SLC9C1: variants seen among roughly 807,000 people sequenced by gnomAD.
SLC9C1 encodes sodium/hydrogen exchanger 10.
Under a neutral mutation model 140.9 loss-of-function variants are expected in SLC9C1, and 97 were observed. The ratio of observed to expected loss-of-function variants is 0.69; its 90% confidence interval spans 0.58 to 0.82. The LOEUF (loss-of-function observed/expected upper bound fraction) is 0.82, where lower values mean the gene tolerates loss of function less well. Among genes scored for constraint, SLC9C1 ranks in the 40% least tolerant of loss-of-function variants. The probability of loss-of-function intolerance (pLI) is 0.00; values close to 1 mark genes in which losing one functional copy is unlikely to be tolerated. For missense variants in SLC9C1, 1,340 were observed against 1,389.3 expected, an observed-to-expected ratio of 0.96 and a Z score of 0.56; for synonymous variants, 440 against 442.6, an observed-to-expected ratio of 0.99 and a Z score of 0.07.
intron 22 of SLC9C1, 60 bp downstream of exon 22, chr3:112,180,504 C>T: frequency 1.4e-6 from 2 of 1,403,752 alleles, no homozygotes; most frequent in Middle Eastern, 1.8e-4. Context: ...GCTTGGGCAA[C>T]AAGAGAGAAA....
chr3:112,166,749 G>A (rs992340900), intron 26 of SLC9C1, among the ~76,000 whole-genome samples: 1 of 151,558 alleles, frequency 6.6e-6, no homozygotes, highest in African/African-American at 2.4e-5. Flanking sequence ...TATCTCAAAA[G>A]TATTTTTCAA....
intron 10 of SLC9C1, 126 bp from the exon 11 acceptor site, chr3:112,244,202 G>GCTCATTGTACTGTGTTAATAGATTC: frequency 2.2e-6 from 1 of 455,778 alleles, no homozygotes; most frequent in Admixed American, 4.3e-5. Flanking sequence ...GTTAATAGAT[G>GCTCATTGTACTGTGTTAATAGATTC]CTCATGGCAG....
At chr3:112,255,760 CAAAA>C (rs1223639372) in intron 10 of SLC9C1, among the ~76,000 whole-genome samples, 1 of 151,896 alleles carries the variant, frequency 6.6e-6, no homozygotes, top group African/African-American at 2.4e-5. Context: ...AAAACACACA[CAAAA>C]AATCATTCAA....
chr3:112,263,192 C>A, intron 9 of SLC9C1, 94 bp from the exon 10 acceptor site: 1 of 1,062,520 alleles, frequency 9.4e-7, no homozygotes, highest in South Asian at 2.3e-5. Context: ...CTGTAGAATT[C>A]CTAACTCTCA....
At position 112,180,545 on chromosome 3, in the gene SLC9C1, A is replaced by C; in HGVS notation, c.2748+19T>G. 6.3e-7 allele frequency: 1 copy of C among 1,579,412 alleles called. No individual in the cohort carries two copies. Among genetic ancestry groups the C allele is most frequent in the Non-Finnish European group, 8.6e-7 (1 of 1,167,264 alleles). On this transcript the variant is annotated intron_variant, in intron 22 of 28. Transcript: ENST00000305815. ...TCTCAAAACAAAAAAACAAAACAAA[A>C]CAAAAACCTCTGCCTTACCTTTACC...
chr3:112,200,386 A>G (rs962788296), intron 19 of SLC9C1, among the ~76,000 whole-genome samples: 2 of 152,112 alleles, frequency 1.3e-5, no homozygotes, highest in African/African-American at 2.4e-5. Context: ...TGTGTCACTC[A>G]GGAAGGTACA....
intron 28 of SLC9C1, among the ~76,000 whole-genome samples, chr3:112,142,111 A>G (rs760666835): frequency 2.1e-4 from 32 of 152,190 alleles, no homozygotes; most frequent in Admixed American, 9.8e-4. Flanking sequence ...TCACTAATTC[A>G]AAGTGTGTGA....
chr3:112,214,113 G>C (rs1216508012), intron 15 of SLC9C1, among the ~76,000 whole-genome samples: 1 of 152,176 alleles, frequency 6.6e-6, no homozygotes, highest in Non-Finnish European at 1.5e-5. Flanking sequence ...TGACTACTGG[G>C]TACATGACAA....
intron 11 of SLC9C1, among the ~76,000 whole-genome samples, chr3:112,242,002 A>G (rs1034341093): frequency 9.9e-5 from 15 of 152,212 alleles, no homozygotes; most frequent in African/African-American, 3.4e-4. Flanking sequence ...GTCCTAGAAG[A>G]AAACCCAGGA....
At chr3:112,221,333 G>A (rs978637798) in intron 13 of SLC9C1, 108 bp from the exon 14 acceptor site, 2 of 892,518 alleles carry the variant, frequency 2.2e-6, no homozygotes, top group African/African-American at 3.4e-5. Context: ...AATCAATCTA[G>A]TCTGTTTGTA....
chr3:112,265,136 A>G (rs999680821), intron 8 of SLC9C1, among the ~76,000 whole-genome samples: 1 of 152,058 alleles, frequency 6.6e-6, no homozygotes, highest in African/African-American at 2.4e-5. Context: ...AGGAGATAGA[A>G]TGATTTAGAA....
At chr3:112,278,921 A>G in intron 3 of SLC9C1, 64 bp from the exon 4 acceptor site, 3 of 1,499,306 alleles carry the variant, frequency 2.0e-6, no homozygotes, top group Non-Finnish European at 2.7e-6. Flanking sequence ...AATACATGCT[A>G]GGTGCTCCTA....
chr3:112,165,177 G>GT (rs1166029270), intron 26 of SLC9C1, among the ~76,000 whole-genome samples: 2 of 148,782 alleles, frequency 1.3e-5, no homozygotes, highest in Admixed American at 1.3e-4. Flanking sequence ...ATTCGTCTAA[G>GT]TTTTTTTCAA....
chr3:112,176,340 A>C (rs1437354403), intron 23 of SLC9C1, among the ~76,000 whole-genome samples: 1 of 152,164 alleles, frequency 6.6e-6, no homozygotes, highest in African/African-American at 2.4e-5. Context: ...GATTAGTCCC[A>C]ATGTGTGTAC....
At chr3:112,158,510 G>C (rs1268969304) in intron 26 of SLC9C1, among the ~76,000 whole-genome samples, 1 of 151,894 alleles carries the variant, frequency 6.6e-6, no homozygotes, top group Non-Finnish European at 1.5e-5. Context: ...TCTGCTTTTG[G>C]TATCAGGATG....
chr3:112,234,033 C>G (rs887155459), intron 12 of SLC9C1, among the ~76,000 whole-genome samples: 1 of 152,156 alleles, frequency 6.6e-6, no homozygotes, highest in African/African-American at 2.4e-5. Context: ...ATTTCTAGTT[C>G]TAGATCCCTG....
chr3:112,200,129 T>A (rs2077870488), intron 19 of SLC9C1, among the ~76,000 whole-genome samples: 1 of 152,048 alleles, frequency 6.6e-6, no homozygotes, highest in African/African-American at 2.4e-5. Flanking sequence ...GTATAAAATT[T>A]TCTTCTCCTC....
chr3:112,278,550 G>T (rs1008339335), intron 4 of SLC9C1, among the ~76,000 whole-genome samples, 179 bp downstream of exon 4: 1 of 152,056 alleles, frequency 6.6e-6, no homozygotes, highest in African/African-American at 2.4e-5. Context: ...CTGGGTCTTT[G>T]ATATGCTAGG....
At chr3:112,274,790 T>A in intron 6 of SLC9C1, 107 bp downstream of exon 6, 1 of 1,107,338 alleles carries the variant, frequency 9.0e-7, no homozygotes, top group Non-Finnish European at 1.2e-6. Flanking sequence ...TACTCACTAT[T>A]ATATTCCTAC....
Sources: gnomAD v4.1 joint callset for allele counts (sites outside exome capture counted in the v4.1 genomes callset) on GRCh38, gnomAD v4.1.1 for gene constraint, MANE v1.5 for transcripts, NCBI Gene and HGNC (gene_info 2026-07-23, HGNC 2026-07-21) for gene names.